The following C19orf47 variants were observed in gnomAD, a reference collection of about 807,000 sequenced individuals.
The protein encoded by C19orf47 is uncharacterized protein C19orf47.
A neutral mutation model predicts 32.3 loss-of-function variants in C19orf47; 18 were observed. The observed-to-expected ratio is 0.56, with a 90% CI of 0.39 to 0.83. C19orf47 has a LOEUF of 0.83. Ranked by LOEUF, C19orf47 falls within the 40% of genes least tolerant of loss-of-function variation. The pLI is 0.00. For synonymous variants in C19orf47, 202 were observed against 211.1 expected, an observed-to-expected ratio of 0.96 and a Z score of 0.37; for missense variants, 484 against 531.6, an observed-to-expected ratio of 0.91 and a Z score of 0.88.
At position 40,336,324 on chromosome 19, in the gene C19orf47, T is replaced by A. The variant is rs2145586674; in HGVS notation, c.103A>T (p.Asn35Tyr). The A allele has an allele frequency of 1.2e-6, 2 of 1,614,090 alleles. No homozygotes were observed. Among genetic ancestry groups the A allele is most frequent in the East Asian group, 4.5e-5 (2 of 44,882 alleles). ...AVNYAVMFVD[N>Y]RIQKSMLLDL... ...CCCCAAGTTCAGCCTCCTCACCTAT[T>A]ATCCACAAACATCACGGCATAATTG... is the stretch of plus-strand genomic sequence containing the variant. Residue 35 changes from asparagine (N) to tyrosine (Y), a missense_variant, in exon 3 of 9, where the codon AAT (asparagine) becomes TAT (tyrosine). By Grantham distance (143) the Asn-to-Tyr change is moderately radical. Around this residue, in one of 3 missense-constraint regions of C19orf47, gnomAD observed 57 missense variants for 86.9 expected, o/e 0.66. Transcript: ENST00000683109.
chr19:40,330,919 G>A (rs2077939125), intron 5 of C19orf47, among the ~76,000 whole-genome samples: 1 of 152,162 alleles, frequency 6.6e-6, no homozygotes, highest in South Asian at 2.1e-4. Flanking sequence ...TGTGGTGGCT[G>A]GGAGGGGGCA....
the C19orf47 span, among the ~76,000 whole-genome samples, chr19:40,303,803 G>GAAAAAA: frequency 2.2e-5 from 1 of 45,336 alleles, no homozygotes; most frequent in Non-Finnish European, 3.8e-5. Context: ...GACTTTGTCT[G>GAAAAAA]AAAAAAAAAA....
At chr19:40,327,503 G>T (rs1288997418) in intron 6 of C19orf47, among the ~76,000 whole-genome samples, 1 of 152,134 alleles carries the variant, frequency 6.6e-6, no homozygotes, top group African/African-American at 2.4e-5. Context: ...CCAGAAGAGG[G>T]TGAGGCACTT....
chr19:40,329,262 C>T (rs987672517), intron 5 of C19orf47, among the ~76,000 whole-genome samples: 8 of 152,112 alleles, frequency 5.3e-5, no homozygotes, highest in Admixed American at 4.6e-4. Context: ...AATCCCTGCA[C>T]TTTGGGAGGC....
chr19:40,324,028 G>A lies in C19orf47; in HGVS notation c.641C>T (p.Ala214Val). ...CACTTTACTCCCTGTCGTGGTGTCT[G>A]CCTTGGTCTCGGCGCCGAGGCGGTC... ...VFDRLGAETKADTTTGSKPTG... is the reference protein window; with the variant it reads ...VFDRLGAETKVDTTTGSKPTG... The change falls in exon 8 of 9, where the codon GCA (alanine) becomes GTA (valine). Residue 214 changes from alanine (A) to valine (V), a missense_variant. This residue lies in a region of C19orf47 where 376 missense variants were observed against 370.2 expected (regional missense o/e 1.02). Coordinates refer to ENST00000683109, the MANE Select transcript of C19orf47 (RefSeq NM_001256441.2). 6.2e-7 allele frequency: 1 copy of A among 1,614,244 alleles called. No homozygotes were observed. The highest frequency in any genetic ancestry group is 8.5e-7 in the Non-Finnish European group (1 of 1,180,032).
intron 2 of C19orf47, among the ~76,000 whole-genome samples, chr19:40,336,672 C>A (rs2078072495): frequency 6.6e-6 from 1 of 152,186 alleles, no homozygotes; most frequent in Admixed American, 6.5e-5. Flanking sequence ...AAACAAGGGG[C>A]AGAGCTCCCA....
chr19:40,322,602 G>A (rs917875289), intron 8 of C19orf47, among the ~76,000 whole-genome samples: 7 of 152,238 alleles, frequency 4.6e-5, no homozygotes, highest in African/African-American at 1.2e-4. Flanking sequence ...CGCCCTGAGA[G>A]GGGGGACATC....
intron 2 of C19orf47, among the ~76,000 whole-genome samples, chr19:40,339,991 A>C (rs935336488): frequency 2.0e-5 from 3 of 151,898 alleles, no homozygotes; most frequent in Admixed American, 2.0e-4. Context: ...AAAAAAAAAA[A>C]AAAACAAAAA....
the C19orf47 span, among the ~76,000 whole-genome samples, chr19:40,310,510 C>T: frequency 6.6e-6 from 1 of 152,180 alleles, no homozygotes; most frequent in Non-Finnish European, 1.5e-5. Flanking sequence ...AACTCCTGAC[C>T]TGAGGTGATC....
At chr19:40,342,010 A>G in intron 1 of C19orf47, 120 bp from the exon 2 acceptor site, 1 of 1,501,470 alleles carries the variant, frequency 6.7e-7, no homozygotes, top group Non-Finnish European at 8.9e-7. Context: ...CTCACCGCCC[A>G]GGAATAGCCT....
At chr19:40,312,060 A>G in the C19orf47 span, among the ~76,000 whole-genome samples, 1 of 152,260 alleles carries the variant, frequency 6.6e-6, no homozygotes, top group Non-Finnish European at 1.5e-5. Flanking sequence ...TATGTAAAAC[A>G]TAATGCATCC....
At chr19:40,316,857 C>A (rs2077665351), downstream of C19orf47, among the ~76,000 whole-genome samples, 1 of 152,078 alleles carries the variant, frequency 6.6e-6, no homozygotes, top group African/African-American at 2.4e-5. Context: ...TAGGAAACAA[C>A]CTGAATTTCC....
At chr19:40,307,190 G>A in the C19orf47 span, among the ~76,000 whole-genome samples, 3 of 143,824 alleles carry the variant, frequency 2.1e-5, no homozygotes, top group South Asian at 2.2e-4. Flanking sequence ...CTGCCTCCCC[G>A]GTTCAAGTGA....
intron 2 of C19orf47, among the ~76,000 whole-genome samples, chr19:40,341,126 G>C (rs2078169020): frequency 6.6e-6 from 1 of 152,060 alleles, no homozygotes; most frequent in Non-Finnish European, 1.5e-5. Context: ...CTGAGGTCAG[G>C]AGTTGGAGAC....
At chr19:40,302,396 G>T in the C19orf47 span, among the ~76,000 whole-genome samples, 2 of 152,132 alleles carry the variant, frequency 1.3e-5, no homozygotes, top group African/African-American at 4.8e-5. Context: ...CTCCTGAGTA[G>T]TTGGGACTAC....
At position 40,348,359 on chromosome 19, in the gene C19orf47, G is replaced by A. The variant is rs2078374657; in HGVS notation, c.-69C>T. The A allele has an allele frequency of 7.3e-6, 8 of 1,102,808 alleles. No individual in the cohort carries two copies. The Admixed American group carries it at 1.3e-4, about 18-fold the overall frequency. The allele number at this position is 1,102,808 out of a possible 1,614,324, so 68.3% of individuals were successfully genotyped here. A position where few individuals can be genotyped will look rare whatever the true frequency, so the allele number is the denominator to read the frequency against. On this transcript the variant is annotated 5_prime_UTR_variant, in exon 1 of 9. Transcript: ENST00000683109. ...GGGCCCGCGCCCACTCGCGCCGCCC[G>A]CCCTCCCTCCCGGCGGCGCCAACTG...
In C19orf47 at chr19:40,320,399, T is replaced by C. The variant is rs2077699758; in HGVS notation, c.*1483A>G. The C allele has an allele frequency of 1.3e-5, 2 of 148,636 alleles. No homozygotes were observed. Among genetic ancestry groups the C allele is most frequent in the East Asian group, 2.3e-4 (1 of 4,396 alleles). The allele number at this position is 148,636 out of a possible 1,614,324, so 9.2% of individuals were successfully genotyped here. On this transcript the variant is annotated 3_prime_UTR_variant, in exon 9 of 9. Coordinates refer to ENST00000683109, the MANE Select transcript of C19orf47 (RefSeq NM_001256441.2). ...CCCCTGCCCACCCACCTCTGCCTCA[T>C]GCTGGAGGCAGGGCCCACCCTCACC...
intron 5 of C19orf47, among the ~76,000 whole-genome samples, chr19:40,331,350 G>A (rs1395268525): frequency 6.6e-6 from 1 of 152,234 alleles, no homozygotes; most frequent in Non-Finnish European, 1.5e-5. Flanking sequence ...ATAACATCAG[G>A]ACAACCATCA....
the C19orf47 span, among the ~76,000 whole-genome samples, chr19:40,300,171 T>A: frequency 6.6e-6 from 1 of 151,950 alleles, no homozygotes; most frequent in South Asian, 2.1e-4. Context: ...AACATTTTTT[T>A]AAATAAGTTA....
Sources: gnomAD v4.1 joint callset for allele counts (sites outside exome capture counted in the v4.1 genomes callset) on GRCh38, gnomAD v4.1.1 for gene constraint, gnomAD v4.1.1 regional missense constraint, MANE v1.5 for transcripts, NCBI Gene and HGNC (gene_info 2026-07-23, HGNC 2026-07-21) for gene names.